The following MEIS2 variants were observed in gnomAD, a reference collection of about 807,000 sequenced individuals.
MEIS2 encodes the protein homeobox protein Meis2.
MEIS2 carries 9 observed loss-of-function variants against 58.6 expected under a neutral mutation model. The ratio of observed to expected loss-of-function variants is 0.15; its 90% confidence interval spans 0.09 to 0.27. MEIS2 has a LOEUF of 0.27. Ranked by LOEUF, MEIS2 falls within the 10% of genes least tolerant of loss-of-function variation. The pLI is 1.00. For missense variants in MEIS2, 427 were observed against 635.0 expected, an observed-to-expected ratio of 0.67 and a Z score of 3.52; for synonymous variants, 221 against 228.4, an observed-to-expected ratio of 0.97 and a Z score of 0.29.
chr15:37,072,643 A>G (rs2141878417), intron 7 of MEIS2, among the ~76,000 whole-genome samples: 1 of 152,224 alleles, frequency 6.6e-6, no homozygotes, highest in Non-Finnish European at 1.5e-5. Context: ...TCCATTTGGA[A>G]ACACCCACTG....
chr15:36,985,013 CA>C (rs1395212239), intron 8 of MEIS2, among the ~76,000 whole-genome samples: 2 of 152,126 alleles, frequency 1.3e-5, no homozygotes, highest in Admixed American at 6.5e-5. Flanking sequence ...TGTTCCTTTT[CA>C]AAAAACCTAC....
chr15:37,100,279 C>T lies in MEIS2; in HGVS notation c.-813G>A, dbSNP rs1894939938. 1.3e-5 allele frequency: 2 copies of T among 151,792 alleles called. No individual in the cohort carries two copies. Among genetic ancestry groups the T allele is most frequent in the Admixed American group, 1.3e-4 (2 of 15,200 alleles). The allele number at this position is 151,792 out of a possible 1,614,324, so 9.4% of individuals were successfully genotyped here. On this transcript the variant is annotated 5_prime_UTR_variant, in exon 1 of 12. The change creates a new upstream start codon in the 5' untranslated region. Coordinates refer to ENST00000561208, the MANE Select transcript of MEIS2 (RefSeq NM_170675.5). ...TTTCTCGCTCGCTCGCTCGCTCTCA[C>T]TCGCGCTCGCTCTCTCGCGCTCGCT...
chr15:37,033,377 A>G (rs1209935978), intron 8 of MEIS2, among the ~76,000 whole-genome samples: 4 of 152,174 alleles, frequency 2.6e-5, no homozygotes, highest in Non-Finnish European at 5.9e-5. Flanking sequence ...CCCCTTCTTT[A>G]AGAACACATC....
intron 1 of MEIS2, 40 bp from the exon 2 acceptor site, chr15:37,098,239 A>T (rs75232629): frequency 3.9e-6 from 6 of 1,526,364 alleles, no homozygotes; most frequent in Non-Finnish European, 4.4e-6. Flanking sequence ...GCAGGAGGTG[A>T]GGGAGAACAG....
At chr15:36,949,274 T>C (rs1362332342) in intron 9 of MEIS2, among the ~76,000 whole-genome samples, 1 of 151,838 alleles carries the variant, frequency 6.6e-6, no homozygotes, top group Non-Finnish European at 1.5e-5. Context: ...ATTGTGATCC[T>C]AGAAAAATGA....
At chr15:36,908,309 A>G (rs1343363110) in intron 9 of MEIS2, among the ~76,000 whole-genome samples, 1 of 152,188 alleles carries the variant, frequency 6.6e-6, no homozygotes, top group African/African-American at 2.4e-5. Flanking sequence ...AAGACATAAA[A>G]TATATCTTTA....
chr15:37,023,843 A>G (rs1353037365), intron 8 of MEIS2, among the ~76,000 whole-genome samples: 3 of 150,364 alleles, frequency 2.0e-5, no homozygotes, highest in Admixed American at 2.0e-4. Context: ...TCTTTACAAA[A>G]TGTTTGTTTC....
chr15:37,098,379 G>GGAGAGAGAGAGAGAGAGAGA (rs534692479), intron 1 of MEIS2, 180 bp from the exon 2 acceptor site: 43 of 307,902 alleles, frequency 1.4e-4, no homozygotes, highest in African/African-American at 4.6e-4. Context: ...GAGGAGAGGG[G>GGAGAGAGAGAGAGAGAGAGA]GAGAGAGAGA....
chr15:37,077,301 T>G (rs960151680), intron 7 of MEIS2, among the ~76,000 whole-genome samples: 1 of 152,054 alleles, frequency 6.6e-6, no homozygotes, highest in Non-Finnish European at 1.5e-5. Context: ...CATCCCTGAT[T>G]ATGGCGTTAA....
At chr15:37,039,579 G>A (rs2062325849) in intron 7 of MEIS2, among the ~76,000 whole-genome samples, 1 of 152,138 alleles carries the variant, frequency 6.6e-6, no homozygotes, top group Non-Finnish European at 1.5e-5. Context: ...AAGCAAAGAG[G>A]GCTGGTAACA....
At chr15:37,020,110 A>G (rs535973622) in intron 8 of MEIS2, among the ~76,000 whole-genome samples, 1 of 152,204 alleles carries the variant, frequency 6.6e-6, no homozygotes, top group South Asian at 2.1e-4. Flanking sequence ...CAAAGAGCCA[A>G]CAAGCCACCA....
At chr15:37,030,663 T>A (rs952037846) in intron 8 of MEIS2, among the ~76,000 whole-genome samples, 18 of 129,048 alleles carry the variant, frequency 1.4e-4, no homozygotes, top group Non-Finnish European at 2.8e-4. Context: ...TATTATTATT[T>A]TTTCTTTGAG....
chr15:36,894,680 G>A (rs2056074344), intron 11 of MEIS2: 1 of 1,467,488 alleles, frequency 6.8e-7, no homozygotes. Flanking sequence ...AGTCTCTGAA[G>A]TGATAGTGAA....
chr15:36,908,802 G>A (rs939126711), intron 9 of MEIS2, among the ~76,000 whole-genome samples: 2 of 152,126 alleles, frequency 1.3e-5, no homozygotes, highest in Admixed American at 6.5e-5. Flanking sequence ...AGCCGGGCAT[G>A]GTGGTGGATG....
chr15:36,988,174 T>C lies in MEIS2; in HGVS notation c.901-37774A>G, dbSNP rs561276503. 5.9e-5 allele frequency among the ~76,000 whole-genome samples: 9 copies of C among 152,310 alleles called. No homozygotes were observed. In the South Asian group the frequency reaches 1.7e-3, roughly 28 times the overall value. On this transcript the variant is annotated intron_variant, in intron 8 of 11. Transcript: ENST00000561208. ...AAAGAAAGGCAACTATATGAGATGA[T>C]GGATATAACAATTTGCTTGACTGCA...
chr15:37,059,182 T>C (rs1029337360), intron 7 of MEIS2, among the ~76,000 whole-genome samples: 4 of 152,184 alleles, frequency 2.6e-5, no homozygotes, highest in African/African-American at 9.6e-5. Context: ...GGGAGCAGAC[T>C]GCTTTTTTAT....
At chr15:37,011,522 T>C (rs75183715) in intron 8 of MEIS2, among the ~76,000 whole-genome samples, 20 of 151,720 alleles carry the variant, frequency 1.3e-4, no homozygotes, top group African/African-American at 4.6e-4. Context: ...AAAAGAGACA[T>C]GTGCGTTGTC....
chr15:36,944,834 G>A (rs1460298426), intron 9 of MEIS2, among the ~76,000 whole-genome samples: 1 of 151,846 alleles, frequency 6.6e-6, no homozygotes, highest in African/African-American at 2.4e-5. Context: ...TTCCCTTTAG[G>A]TTTATCTCGA....
At chr15:36,954,213 T>C (rs1309866152) in intron 8 of MEIS2, among the ~76,000 whole-genome samples, 1 of 151,850 alleles carries the variant, frequency 6.6e-6, no homozygotes, top group Admixed American at 6.6e-5. Flanking sequence ...CCATATATTA[T>C]TGAGTAAAAA....
Sources: allele counts gnomAD v4.1 joint callset (sites outside exome capture counted in the v4.1 genomes callset), GRCh38; gene constraint gnomAD v4.1.1; transcripts MANE v1.5; gene names NCBI Gene and HGNC (gene_info 2026-07-23, HGNC 2026-07-21).